The following ZDHHC14 variants were observed in gnomAD, a reference collection of about 807,000 sequenced individuals.
The protein encoded by ZDHHC14 is zDHHC palmitoyltransferase 14.
ZDHHC14 carries 16 observed loss-of-function variants against 47.7 expected under a neutral mutation model. That is an observed-to-expected ratio of 0.34 (90% CI 0.23 to 0.51). The LOEUF (loss-of-function observed/expected upper bound fraction) is 0.51, where lower values mean the gene tolerates loss of function less well. Among genes scored for constraint, ZDHHC14 ranks in the 20% least tolerant of loss-of-function variants. The probability of loss-of-function intolerance (pLI) is 0.97; values close to 1 mark genes in which losing one functional copy is unlikely to be tolerated. For synonymous variants in ZDHHC14, 293 were observed against 278.9 expected (o/e 1.05, Z -0.50); for missense variants, 515 against 662.5 (o/e 0.78, Z 2.44).
intron 2 of ZDHHC14, among the ~76,000 whole-genome samples, chr6:157,588,393 A>G (rs181253992): frequency 2.6e-4 from 39 of 152,354 alleles, no homozygotes; most frequent in African/African-American, 8.9e-4. Context: ...TGGGAGGTCA[A>G]GGCTACAGTG....
Position 157,673,010 on chromosome 6 carries a change from C to A in ZDHHC14, c.1355C>A (p.Ala452Glu). ...GCGCCCTCGCCCCCCAGGCTACTGG[C>A]GGCGGGCAGCCCCCTGGCGCACAGC... ...DEAPSPPRLL[A>E]AGSPLAHSRT... is the part of the protein sequence containing the mutation. The change falls in exon 9 of 9, where the codon GCG (alanine) becomes GAG (glutamate). Residue 452 changes from alanine (A) to glutamate (E), a missense_variant. Around this residue, in one of 4 missense-constraint regions of ZDHHC14, gnomAD observed 221 missense variants for 233.6 expected, o/e 0.95. Transcript: ENST00000359775. This position sits in a 1 kb window ranked among gnomAD's most constrained non-coding sequence, Gnocchi z 5.4. 1 of 1,572,262 alleles carries A rather than the reference C, an allele frequency of 6.4e-7. No individual in the cohort carries two copies. The highest frequency in any genetic ancestry group is 8.6e-7 in the Non-Finnish European group (1 of 1,164,508).
At chr6:157,511,236 G>T (rs916630572) in intron 1 of ZDHHC14, among the ~76,000 whole-genome samples, 5 of 152,224 alleles carry the variant, frequency 3.3e-5, no homozygotes, top group African/African-American at 1.2e-4. Context: ...GAACTGTGGG[G>T]CGGGAAGCAG....
intron 1 of ZDHHC14, among the ~76,000 whole-genome samples, chr6:157,397,293 G>A (rs572843442): frequency 3.4e-4 from 52 of 152,268 alleles, no homozygotes; most frequent in African/African-American, 1.2e-3. Context: ...TGTTACAAAC[G>A]GAGTGACTTG....
chr6:157,506,555 C>T (rs951891293), intron 1 of ZDHHC14, among the ~76,000 whole-genome samples: 1 of 152,046 alleles, frequency 6.6e-6, no homozygotes, highest in Non-Finnish European at 1.5e-5. Flanking sequence ...ATTCTAGGTC[C>T]TCTCCCTGAA....
intron 2 of ZDHHC14, among the ~76,000 whole-genome samples, chr6:157,551,526 A>G (rs1478269153): frequency 6.6e-6 from 1 of 152,238 alleles, no homozygotes; most frequent in Non-Finnish European, 1.5e-5. Flanking sequence ...GAGTAATGTC[A>G]GCATCGCCTG....
intron 3 of ZDHHC14, among the ~76,000 whole-genome samples, chr6:157,602,546 G>A (rs1478957800): frequency 1.3e-5 from 2 of 151,818 alleles, no homozygotes; most frequent in East Asian, 3.9e-4. Flanking sequence ...GCAGGTTCTG[G>A]GAGAGCGCAG....
chr6:157,414,548 A>G (rs556598227), intron 1 of ZDHHC14, among the ~76,000 whole-genome samples: 16 of 152,300 alleles, frequency 1.1e-4, no homozygotes, highest in South Asian at 8.3e-4. Flanking sequence ...AAGACAGTAT[A>G]TGACTATGAG....
At chr6:157,538,464 G>A (rs778474254) in intron 1 of ZDHHC14, among the ~76,000 whole-genome samples, 43 of 152,164 alleles carry the variant, frequency 2.8e-4, no homozygotes, top group Non-Finnish European at 4.9e-4. Context: ...TCTTTCAGGT[G>A]TTACAGTAAA....
At chr6:157,643,674 T>TACAGCAAGGC (rs1457975676) in intron 5 of ZDHHC14, among the ~76,000 whole-genome samples, 1 of 131,308 alleles carries the variant, frequency 7.6e-6, no homozygotes, top group African/African-American at 2.8e-5. Context: ...TATATATATA[T>TACAGCAAGGC]ATGCTGTATT....
intron 1 of ZDHHC14, among the ~76,000 whole-genome samples, chr6:157,436,139 C>T (rs1354191837): frequency 2.0e-5 from 3 of 152,104 alleles, no homozygotes; most frequent in East Asian, 1.9e-4. Flanking sequence ...CATAGAGAGG[C>T]CAGTTCCCAG....
intron 1 of ZDHHC14, among the ~76,000 whole-genome samples, chr6:157,528,009 G>A (rs1387940751): frequency 1.3e-5 from 2 of 152,138 alleles, no homozygotes; most frequent in Non-Finnish European, 2.9e-5. Flanking sequence ...ATTGATTGTA[G>A]CTTTCATGGC....
rs1778237979 is a variant in ZDHHC14, at chr6:157,427,064, TG to T, written c.245+44802del. 6.6e-6 allele frequency among the ~76,000 whole-genome samples: 1 copy of T among 151,308 alleles called. No individual in the cohort carries two copies. Among genetic ancestry groups the T allele is most frequent in the African/African-American group, 2.4e-5 (1 of 41,080 alleles). On this transcript the variant is annotated intron_variant, in intron 1 of 8. Coordinates refer to ENST00000359775, the MANE Select transcript of ZDHHC14 (RefSeq NM_024630.3). The surrounding 1 kb of genome is among the most constrained non-coding windows in gnomAD (Gnocchi z 4.4). ...AAAGGAGGAGAGGCACGGTGCGAGC[TG>T]GGGTGGCAGGGGAGCAAGGGCCCCA...
intron 5 of ZDHHC14, among the ~76,000 whole-genome samples, chr6:157,644,161 C>G (rs766302420): frequency 5.3e-5 from 8 of 152,210 alleles, no homozygotes; most frequent in Non-Finnish European, 7.3e-5. Flanking sequence ...TCCCTGGACT[C>G]TACTTCACCT....
intron 1 of ZDHHC14, among the ~76,000 whole-genome samples, chr6:157,522,966 T>TTTC (rs1562461005): frequency 1.7e-3 from 44 of 26,288 alleles, no homozygotes; most frequent in African/African-American, 8.5e-3. Context: ...TCCTTCTTTC[T>TTTC]TTTCTTTTCT....
At chr6:157,520,249 C>T (rs1436129594) in intron 1 of ZDHHC14, among the ~76,000 whole-genome samples, 1 of 152,226 alleles carries the variant, frequency 6.6e-6, no homozygotes, top group Non-Finnish European at 1.5e-5. Flanking sequence ...CATTCCCCCT[C>T]TGCTCTTGCC....
At chr6:157,458,561 C>T (rs953686879) in intron 1 of ZDHHC14, among the ~76,000 whole-genome samples, 4 of 151,894 alleles carry the variant, frequency 2.6e-5, no homozygotes, top group Admixed American at 2.6e-4. Context: ...TTAAAGAAAT[C>T]GCAAAAGAGG....
intron 2 of ZDHHC14, among the ~76,000 whole-genome samples, chr6:157,569,789 A>AT (rs1483515180): frequency 6.6e-6 from 1 of 151,642 alleles, no homozygotes; most frequent in Admixed American, 6.6e-5. Context: ...GCTACCTACC[A>AT]TTTTTTTGTT....
chr6:157,667,747 C>T (rs868705052), intron 8 of ZDHHC14, among the ~76,000 whole-genome samples: 1 of 152,142 alleles, frequency 6.6e-6, no homozygotes, highest in African/African-American at 2.4e-5. Context: ...ATGAACCCAT[C>T]GCCCTTGGAA....
chr6:157,445,568 T>C (rs1183406644), intron 1 of ZDHHC14, among the ~76,000 whole-genome samples: 1 of 152,212 alleles, frequency 6.6e-6, no homozygotes, highest in Non-Finnish European at 1.5e-5. Flanking sequence ...AAGCCCCCTC[T>C]GCCCCCTTGG....
Sources: allele counts gnomAD v4.1 joint callset (sites outside exome capture counted in the v4.1 genomes callset), GRCh38; gene constraint gnomAD v4.1.1; regional missense constraint gnomAD v4.1.1; non-coding constraint Gnocchi (gnomAD v3.1); transcripts MANE v1.5; gene names NCBI Gene and HGNC (gene_info 2026-07-23, HGNC 2026-07-21).